Variants in JAK2 observed in about 807,000 individuals in gnomAD.
JAK2 encodes the protein tyrosine-protein kinase JAK2.
Under a neutral mutation model 139.3 loss-of-function variants are expected in JAK2, and 86 were observed. The ratio of observed to expected loss-of-function variants is 0.62; its 90% CI spans 0.52 to 0.74. The LOEUF is 0.74. JAK2 is among the 30% of genes least tolerant of loss of function. JAK2 has a pLI of 0.00. For missense variants in JAK2, 1,421 were observed against 1,360.3 expected, an observed-to-expected ratio of 1.04 and a Z score of -0.70; for synonymous variants, 490 against 437.7, an observed-to-expected ratio of 1.12 and a Z score of -1.49.
intron 22 of JAK2, chr9:5,112,145 G>A: frequency 3.2e-6 from 1 of 309,682 alleles, no homozygotes; most frequent in East Asian, 9.6e-5. Flanking sequence ...GGCACGGCTA[G>A]CAACGTGCAC....
intron 4 of JAK2, among the ~76,000 whole-genome samples, chr9:5,031,142 C>T (rs1823120193): frequency 6.6e-6 from 1 of 152,092 alleles, no homozygotes; most frequent in African/African-American, 2.4e-5. Flanking sequence ...ATCAATTTCT[C>T]TTATGCTATA....
At chr9:5,041,061 G>A (rs1003348914) in intron 4 of JAK2, 11 of 687,072 alleles carry the variant, frequency 1.6e-5, no homozygotes, top group Admixed American at 1.0e-4. Context: ...CATAGAGGGC[G>A]TCCCTCAGGT....
In JAK2 at chr9:5,098,922, C is replaced by G. The variant is rs1335742716; in HGVS notation, c.3059+8011C>G. 4 of 152,144 alleles carry G rather than the reference C, an allele frequency of 2.6e-5. No homozygotes were observed. In the East Asian group the frequency reaches 7.7e-4, roughly 29 times the overall value. The allele number at this position is 152,144 out of a possible 1,614,324, so 9.4% of individuals were successfully genotyped here. A position where few individuals can be genotyped will look rare whatever the true frequency, so the allele number is the denominator to read the frequency against. On this transcript the variant is annotated intron_variant, in intron 22 of 24. Transcript: ENST00000381652. The stretch of plus-strand genomic sequence containing the variant: ...TGTTAGCCAGGATGGTCTTCATCTC[C>G]TGACGTTGTGTTCCACCCACTTCAG...
At chr9:5,102,556 T>A (rs143069695) in intron 22 of JAK2, among the ~76,000 whole-genome samples, 2 of 151,974 alleles carry the variant, frequency 1.3e-5, no homozygotes, top group African/African-American at 4.8e-5. Context: ...ACAAAGATAC[T>A]CCTCGAGAAG....
In JAK2 at chr9:5,127,086, C is replaced by T. The variant is rs542384876; in HGVS notation, c.*295C>T. Reference sequence around the variant, plus strand: ...AAAGAAAAAAAATAGACTTTTTCAACTCAGCTTTTTGAGACCTGAAAAAAT... The same window carrying T: ...AAAGAAAAAAAATAGACTTTTTCAATTCAGCTTTTTGAGACCTGAAAAAAT... On this transcript the variant is annotated 3_prime_UTR_variant, in exon 25 of 25. Coordinates refer to ENST00000381652, the MANE Select transcript of JAK2 (RefSeq NM_004972.4). 77 of 266,824 alleles carry T rather than the reference C, an allele frequency of 2.9e-4. No homozygotes were observed. Among genetic ancestry groups the T allele is most frequent in the Middle Eastern group, 2.2e-3 (2 of 924 alleles). 16.5% of individuals were successfully genotyped at this position (266,824 alleles called of 1,614,324 possible). A position where few individuals can be genotyped will look rare whatever the true frequency, so the allele number is the denominator to read the frequency against.
At chr9:5,111,935 C>T (rs1822603208) in intron 22 of JAK2, 1 of 347,768 alleles carries the variant, frequency 2.9e-6, no homozygotes, top group Admixed American at 3.6e-5. Flanking sequence ...CTCCGGATCA[C>T]TCAAGCAATA....
chr9:5,023,369 G>A lies in JAK2; in HGVS notation c.226+1156G>A, dbSNP rs145605671. 4.6e-3 allele frequency among the ~76,000 whole-genome samples: 702 copies of A among 152,202 alleles called. 6 individuals are homozygous for A. The highest frequency in any genetic ancestry group is 0.016 in the African/African-American group (666 of 41,510). The stretch of plus-strand genomic sequence containing the variant: ...TTTTTACGATGCCACTGGGCCCCAG[G>A]GGAGTACGCATTCTGTTGTGAGCTG... On this transcript the variant is annotated intron_variant, in intron 3 of 24. Coordinates refer to ENST00000381652, the MANE Select transcript of JAK2 (RefSeq NM_004972.4).
chr9:4,992,295 GAATT>G (rs2129729868), intron 2 of JAK2, among the ~76,000 whole-genome samples: 1 of 152,256 alleles, frequency 6.6e-6, no homozygotes, highest in Admixed American at 6.5e-5. Flanking sequence ...GGTGAGTAGA[GAATT>G]AAAAGTGAGT....
At chr9:5,048,309 T>C (rs1160983504) in intron 5 of JAK2, among the ~76,000 whole-genome samples, 4 of 151,982 alleles carry the variant, frequency 2.6e-5, no homozygotes, top group African/African-American at 9.7e-5. Flanking sequence ...GCCCGGCTAA[T>C]TTTTTGTATT....
chr9:5,080,465 T>A (rs1437370040), intron 17 of JAK2, 68 bp from the exon 18 acceptor site: 1 of 1,538,722 alleles, frequency 6.5e-7, no homozygotes, highest in Non-Finnish European at 8.8e-7. Flanking sequence ...TTAGCCCATC[T>A]AATTTTAAAA....
chr9:5,110,871 G>C, intron 22 of JAK2: 1 of 512,250 alleles, frequency 2.0e-6, no homozygotes, highest in East Asian at 4.8e-5. Context: ...GCCGCGCCCA[G>C]CAGGGTTTCC....
At chr9:5,113,633 T>G (rs1473794858) in intron 22 of JAK2, 1 of 161,378 alleles carries the variant, frequency 6.2e-6, no homozygotes, top group East Asian at 1.9e-4. Context: ...GAACCTGGGC[T>G]GCCTGGCCAC....
rs544467138 is a variant in JAK2 at position 5,076,605 on chromosome 9, G to T, written c.1865-848G>T. Among the ~76,000 whole-genome samples, 35 of 152,118 alleles carry T rather than the reference G, an allele frequency of 2.3e-4. 1 individual carries two copies. Among genetic ancestry groups the T allele is most frequent in the Middle Eastern group, 3.4e-3 (1 of 294 alleles). ...TATATACAAGTTTTATATGCATTGGGATACCAAGAAATTCATGACTTGCTT... is the reference window on the plus strand; with the variant it reads ...TATATACAAGTTTTATATGCATTGGTATACCAAGAAATTCATGACTTGCTT... On this transcript the variant is annotated intron_variant, in intron 14 of 24. Coordinates refer to ENST00000381652, the MANE Select transcript of JAK2 (RefSeq NM_004972.4).
chr9:5,097,043 C>A (rs1434815295), intron 22 of JAK2: 1 of 152,154 alleles, frequency 6.6e-6, no homozygotes. Context: ...ACTGGCTGAA[C>A]AGTTTATCCC....
chr9:5,009,808 T>A (rs1821568175), intron 2 of JAK2, among the ~76,000 whole-genome samples: 1 of 152,050 alleles, frequency 6.6e-6, no homozygotes, highest in Admixed American at 6.6e-5. Flanking sequence ...TCTTGCTCTG[T>A]TGCCCAGGCT....
intron 2 of JAK2, among the ~76,000 whole-genome samples, chr9:5,005,839 T>G (rs576743289): frequency 7.2e-5 from 11 of 152,334 alleles, no homozygotes; most frequent in African/African-American, 2.6e-4. Flanking sequence ...CTCTGTTCTG[T>G]TCCATTGATC....
rs1009890376 is a variant in JAK2 at position 5,106,823 on chromosome 9, C to G, written c.3059+15912C>G. Among the ~76,000 whole-genome samples the G allele has an allele frequency of 3.9e-5, 6 of 152,160 alleles. No homozygotes were observed. The East Asian group carries it at 9.6e-4, about 24-fold the overall frequency. On this transcript the variant is annotated intron_variant, in intron 22 of 24. Coordinates refer to ENST00000381652, the MANE Select transcript of JAK2 (RefSeq NM_004972.4). ...GACAGAAAAGCAAACACTGCATGTT[C>G]TCACTCATAGGTGGGAGTTGAACAA...
chr9:4,984,850 G>A (rs1469294700), upstream of JAK2: 1 of 152,288 alleles, frequency 6.6e-6, no homozygotes, highest in Non-Finnish European at 1.5e-5. Flanking sequence ...CAGCGCTGGC[G>A]CCTAGCTCCA....
chr9:5,039,580 T>A (rs926567525), intron 4 of JAK2, among the ~76,000 whole-genome samples: 118 of 152,216 alleles, frequency 7.8e-4, no homozygotes, highest in African/African-American at 2.8e-3. Context: ...ATCTTGCATA[T>A]TAAAAATCCT....
Sources: gnomAD v4.1 joint callset for allele counts (sites outside exome capture counted in the v4.1 genomes callset) on GRCh38, gnomAD v4.1.1 for gene constraint, MANE v1.5 for transcripts, NCBI Gene and HGNC (gene_info 2026-07-23, HGNC 2026-07-21) for gene names.